The following TBC1D8 variants were observed in gnomAD, a reference collection of about 807,000 sequenced individuals.
TBC1D8 encodes TBC1 domain family member 8.
In TBC1D8, 65 loss-of-function variants were observed where a neutral mutation model predicts 118.8. The ratio of observed to expected loss-of-function variants is 0.55; its 90% CI spans 0.45 to 0.67. The LOEUF is 0.67. Among genes scored for constraint, TBC1D8 ranks in the 30% least tolerant of loss-of-function variants. The pLI is 0.00. For synonymous variants in TBC1D8, 566 were observed against 595.8 expected, an observed-to-expected ratio of 0.95 and a Z score of 0.73; for missense variants, 1,376 against 1,471.2, an observed-to-expected ratio of 0.94 and a Z score of 1.06.
chr2:101,123,777 C>A (rs999527196), intron 1 of TBC1D8, among the ~76,000 whole-genome samples: 1 of 152,184 alleles, frequency 6.6e-6, no homozygotes, highest in African/African-American at 2.4e-5. Flanking sequence ...GATAAAGGAA[C>A]AGCCACATGG....
At chr2:101,133,121 C>G (rs1446123852) in intron 1 of TBC1D8, among the ~76,000 whole-genome samples, 1 of 147,494 alleles carries the variant, frequency 6.8e-6, no homozygotes, top group Non-Finnish European at 1.5e-5. Context: ...GATCGAGCCA[C>G]TGCACTCCAG....
chr2:101,065,366 A>G (rs1362731135), intron 2 of TBC1D8, among the ~76,000 whole-genome samples: 1 of 152,222 alleles, frequency 6.6e-6, no homozygotes, highest in Non-Finnish European at 1.5e-5. Context: ...CAAAGGAGCT[A>G]GTTAAAAGTT....
At chr2:101,124,219 T>C (rs566916016) in intron 1 of TBC1D8, among the ~76,000 whole-genome samples, 2 of 152,216 alleles carry the variant, frequency 1.3e-5, no homozygotes, top group East Asian at 3.9e-4. Flanking sequence ...AGGTGGAGGA[T>C]GCATTACAAT....
chr2:101,124,979 C>G (rs534307292), intron 1 of TBC1D8, among the ~76,000 whole-genome samples: 3 of 152,078 alleles, frequency 2.0e-5, no homozygotes, highest in Admixed American at 2.0e-4. Flanking sequence ...AACTATCCCA[C>G]GGATAAACAA....
At chr2:101,009,914 C>A (rs936753627) in intron 19 of TBC1D8, among the ~76,000 whole-genome samples, 1 of 151,210 alleles carries the variant, frequency 6.6e-6, no homozygotes, top group Admixed American at 6.6e-5. Flanking sequence ...CTCCGCCTCC[C>A]GGGTTCATGC....
At chr2:101,147,567 T>C (rs568407564) in intron 1 of TBC1D8, among the ~76,000 whole-genome samples, 3 of 152,354 alleles carry the variant, frequency 2.0e-5, no homozygotes, top group African/African-American at 7.2e-5. Context: ...GGTATTTCCT[T>C]GTGGTTTTGA....
At position 101,026,633 on chromosome 2, in the gene TBC1D8, C is replaced by G. The variant is rs575352385; in HGVS notation, c.2520+750G>C. On this transcript the variant is annotated intron_variant, in intron 15 of 19. Coordinates refer to ENST00000409318, the MANE Select transcript of TBC1D8 (RefSeq NM_001330348.2). ...AAGACGAGCTGGGGCAGCCACACCC[C>G]CTTCCCTGCCAGGCTTGCTTTCTGC... 1.2e-3 allele frequency among the ~76,000 whole-genome samples: 176 copies of G among 152,282 alleles called. 1 individual carries two copies. The highest frequency in any genetic ancestry group is 9.8e-3 in the South Asian group (47 of 4,816).
chr2:101,060,682 A>C (rs1285935371), intron 2 of TBC1D8, among the ~76,000 whole-genome samples: 1 of 152,212 alleles, frequency 6.6e-6, no homozygotes, highest in East Asian at 1.9e-4. Context: ...GGCCTGGCAC[A>C]CAGCAGATGC....
At chr2:101,136,164 T>C (rs1190827507) in intron 1 of TBC1D8, among the ~76,000 whole-genome samples, 1 of 152,170 alleles carries the variant, frequency 6.6e-6, no homozygotes, top group East Asian at 1.9e-4. Flanking sequence ...ACGTTGAAAT[T>C]TGATCTCCAG....
chr2:101,020,230 G>GT (rs920710649), intron 17 of TBC1D8, among the ~76,000 whole-genome samples: 1 of 151,962 alleles, frequency 6.6e-6, no homozygotes, highest in Non-Finnish European at 1.5e-5. Flanking sequence ...CCAAAATAAT[G>GT]TTTGTTTTAA....
rs34685616 is a variant in TBC1D8, at chr2:101,022,366, C to T, written c.2676G>A (p.Thr892=). 0.12 allele frequency: 197,690 copies of T among 1,612,924 alleles called. 13,545 individuals carry two copies. The highest frequency in any genetic ancestry group is 0.14 in the Non-Finnish European group (164,158 of 1,179,472). The change falls in exon 16 of 20, where the codon ACG becomes ACA. Residue 892 remains threonine (T), a synonymous_variant. Transcript: ENST00000409318. ...LVSPWTCGAH[T]EILAERTFRL... ...TGAACGTCCTTTCGGCGAGGATCTC[C>T]GTGTGGGCCCCGCAGGTCCAGGGCG...
At chr2:101,017,793 G>T (rs760615137) in intron 17 of TBC1D8, 3 of 1,530,388 alleles carry the variant, frequency 2.0e-6, no homozygotes, top group Non-Finnish European at 2.7e-6. Context: ...ACAAGCTCAG[G>T]ACTTTTTAAT....
rs1378101876 is a variant in TBC1D8 at position 101,022,695 on chromosome 2, TGGTTTTTTTATTAA to T, written c.2521-188_2521-175del. Among the ~76,000 whole-genome samples, 3 of 152,388 alleles carry T rather than the reference TGGTTTTTTTATTAA, an allele frequency of 2.0e-5. No homozygotes were observed. In the East Asian group the frequency reaches 5.8e-4, roughly 29 times the overall value. ...CCACATGAACATGTAATTTTCACGT[TGGTTTTTTTATTAA>T]GGTTTTTTTCTTTCTCATTGTGGTA... On this transcript the variant is annotated intron_variant, in intron 15 of 19. Coordinates refer to ENST00000409318, the MANE Select transcript of TBC1D8 (RefSeq NM_001330348.2).
chr2:101,012,062 G>A (rs1679257698), intron 17 of TBC1D8, among the ~76,000 whole-genome samples: 1 of 152,148 alleles, frequency 6.6e-6, no homozygotes, highest in Non-Finnish European at 1.5e-5. Flanking sequence ...TATTAGGAGT[G>A]TTCTTAAGGA....
At chr2:101,118,842 T>C (rs1677970885) in intron 1 of TBC1D8, among the ~76,000 whole-genome samples, 1 of 152,020 alleles carries the variant, frequency 6.6e-6, no homozygotes, top group African/African-American at 2.4e-5. Context: ...ACCCCATCTC[T>C]ACGAAGAAAA....
chr2:101,084,608 G>A (rs1475029069), intron 2 of TBC1D8, among the ~76,000 whole-genome samples: 2 of 152,112 alleles, frequency 1.3e-5, no homozygotes, highest in South Asian at 4.1e-4. Flanking sequence ...TGCTCTGCAA[G>A]GGTGCTTTTC....
chr2:101,079,310 G>T (rs1170578805), intron 2 of TBC1D8, among the ~76,000 whole-genome samples: 1 of 152,184 alleles, frequency 6.6e-6, no homozygotes, highest in South Asian at 2.1e-4. Flanking sequence ...TTACCAACTG[G>T]TTCTGTAACC....
In TBC1D8 at chr2:101,021,675, TC is replaced by T. The variant is rs763001739; in HGVS notation, c.2827+5del. The T allele has an allele frequency of 6.3e-7, 1 of 1,591,354 alleles. No homozygotes were observed. The highest frequency in any genetic ancestry group is 1.1e-5 in the South Asian group (1 of 88,814). On this transcript the variant is annotated splice_donor_5th_base_variant and intron_variant, in intron 17 of 19. Coordinates refer to ENST00000409318, the MANE Select transcript of TBC1D8 (RefSeq NM_001330348.2). ...CAGTCTGATTTTGCTACTTGGACTT[TC>T]TTACCTGGAGGGATATGAAGCCTGT...
intron 1 of TBC1D8, among the ~76,000 whole-genome samples, chr2:101,121,716 T>C (rs926879193): frequency 3.9e-5 from 6 of 152,204 alleles, no homozygotes; most frequent in African/African-American, 1.4e-4. Context: ...CATAGCACAA[T>C]GCTATTATTC....
Sources: gnomAD v4.1 joint callset for allele counts (sites outside exome capture counted in the v4.1 genomes callset) on GRCh38, gnomAD v4.1.1 for gene constraint, MANE v1.5 for transcripts, NCBI Gene and HGNC (gene_info 2026-07-23, HGNC 2026-07-21) for gene names.